FARP1: variants seen among roughly 807,000 people sequenced by gnomAD.
FARP1 encodes the protein FERM, ARH/RhoGEF and pleckstrin domain protein 1.
FARP1 carries 52 observed loss-of-function variants against 128.8 expected under a neutral mutation model. The ratio of observed to expected loss-of-function variants is 0.40; its 90% confidence interval spans 0.32 to 0.51. The LOEUF (loss-of-function observed/expected upper bound fraction) is 0.51, where lower values mean the gene tolerates loss of function less well. Among genes scored for constraint, FARP1 ranks in the 20% least tolerant of loss-of-function variants. FARP1 has a pLI of 0.45. For missense variants in FARP1, 1,333 were observed against 1,367.9 expected, an observed-to-expected ratio of 0.97 and a Z score of 0.40; for synonymous variants, 580 against 551.8, an observed-to-expected ratio of 1.05 and a Z score of -0.72.
chr13:98,200,546 C>T (rs929333556), intron 1 of FARP1, among the ~76,000 whole-genome samples: 3 of 152,102 alleles, frequency 2.0e-5, no homozygotes, highest in East Asian at 1.9e-4. Context: ...CTTTTAGGTA[C>T]GGAGAATGAC....
At chr13:98,220,799 T>G (rs1267498344) in intron 2 of FARP1, among the ~76,000 whole-genome samples, 2 of 152,098 alleles carry the variant, frequency 1.3e-5, no homozygotes, top group East Asian at 3.9e-4. Context: ...GTGATCAAAG[T>G]CAGTTCTCTA....
chr13:98,440,042 AG>A lies in FARP1; in HGVS notation c.2516+1del, dbSNP rs760157374. The A allele has an allele frequency of 6.2e-7, 1 of 1,607,568 alleles. No individual in the cohort carries two copies. Among genetic ancestry groups the A allele is most frequent in the Admixed American group, 1.7e-5 (1 of 59,880 alleles). ...GCGGCAGTCCATCATCGTGGCCGCC[AG>A]GTAACTCGGGAGCCCGCCCCTTGCC... ...GQRQSIIVAA[S>X]SRSEMEKWVE... On this transcript the variant is annotated frameshift_variant and splice_region_variant, in exon 22 of 27. Coordinates refer to ENST00000319562, the MANE Select transcript of FARP1 (RefSeq NM_005766.4). LOFTEE classifies it high-confidence loss of function.
chr13:98,343,968 GCTGT>G, intron 3 of FARP1, 102 bp downstream of exon 3: 1 of 799,982 alleles, frequency 1.3e-6, no homozygotes, highest in East Asian at 2.5e-5. Context: ...ATATTTTCAT[GCTGT>G]CTGTTTTGTC....
chr13:98,268,026 T>C (rs1409077609), intron 2 of FARP1, among the ~76,000 whole-genome samples: 1 of 152,228 alleles, frequency 6.6e-6, no homozygotes, highest in Non-Finnish European at 1.5e-5. Context: ...CAGCATTACA[T>C]ACAGGCACAT....
rs768979308 is a variant in FARP1, at chr13:98,176,326, G to A, written c.-24+32834G>A. On this transcript the variant is annotated intron_variant, in intron 1 of 26. Transcript: ENST00000319562. The surrounding 1 kb of genome is among the most constrained non-coding windows in gnomAD (Gnocchi z 6.2). ...TTGCAGTTTCGCCATCAGTTCTTTGGCGGGGTTAAAGATGCCGCCGGTTGG... is the reference window on the plus strand; with the variant it reads ...TTGCAGTTTCGCCATCAGTTCTTTGACGGGGTTAAAGATGCCGCCGGTTGG... 1.9e-6 allele frequency: 3 copies of A among 1,613,472 alleles called. No homozygotes were observed. Among genetic ancestry groups the A allele is most frequent in the East Asian group, 2.2e-5 (1 of 44,878 alleles).
Position 98,379,120 on chromosome 13 carries a change from ATAAT to A in FARP1, c.496+1203_496+1206del, listed in dbSNP as rs1368965454. 1.6e-4 allele frequency among the ~76,000 whole-genome samples: 14 copies of A among 87,146 alleles called. 4 individuals carry two copies. Among genetic ancestry groups the A allele is most frequent in the African/African-American group, 1.1e-3 (14 of 12,500 alleles). 57.2% of individuals were successfully genotyped at this position (87,146 alleles called of 152,430 possible). ...TATATATATAATATATAATCTATATATAATATATATATAATATATAATCTATATA... is the reference window on the plus strand; with the variant it reads ...TATATATATAATATATAATCTATATAATATATATAATATATAATCTATATA... On this transcript the variant is annotated intron_variant, in intron 6 of 26. Coordinates refer to ENST00000319562, the MANE Select transcript of FARP1 (RefSeq NM_005766.4).
At chr13:98,399,177 G>A (rs1195463954) in intron 13 of FARP1, 2 of 149,284 alleles carry the variant, frequency 1.3e-5, no homozygotes, top group Non-Finnish European at 3.0e-5. Flanking sequence ...TTTGTTTAAA[G>A]GCTGTTTATC....
At chr13:98,210,077 G>A (rs527632589) in intron 1 of FARP1, among the ~76,000 whole-genome samples, 2 of 151,942 alleles carry the variant, frequency 1.3e-5, no homozygotes, top group East Asian at 3.9e-4. Flanking sequence ...GTATAGAATG[G>A]TAGAATGGCT....
At chr13:98,314,364 C>T (rs1481982897) in intron 2 of FARP1, among the ~76,000 whole-genome samples, 2 of 148,410 alleles carry the variant, frequency 1.3e-5, no homozygotes, top group African/African-American at 5.0e-5. Context: ...ACTGCAACCT[C>T]CGTCTCCCGG....
In FARP1 at chr13:98,452,544, C is replaced by G. The variant is rs560155440; in HGVS notation, c.*4227C>G. On this transcript the variant is annotated 3_prime_UTR_variant, in exon 27 of 27. Coordinates refer to ENST00000319562, the MANE Select transcript of FARP1 (RefSeq NM_005766.4). ...CATTAATTATTAATGACAAACCCTG[C>G]AAATACAAAATAAAACCCAAATCAC... The G allele has an allele frequency of 5.0e-4, 76 of 152,656 alleles. No homozygotes were observed. The highest frequency in any genetic ancestry group is 1.8e-3 in the Admixed American group (27 of 15,282). 9.5% of individuals were successfully genotyped at this position (152,656 alleles called of 1,614,324 possible).
chr13:98,295,410 A>G (rs1439870377), intron 2 of FARP1, among the ~76,000 whole-genome samples: 2 of 152,160 alleles, frequency 1.3e-5, no homozygotes, highest in Non-Finnish European at 2.9e-5. Flanking sequence ...CAGGTTTGCT[A>G]TTCTTGCTCC....
chr13:98,435,297 C>A, intron 18 of FARP1: 1 of 247,852 alleles, frequency 4.0e-6, no homozygotes. Context: ...GTGTCTTTCC[C>A]CTCTAAGCCA....
intron 1 of FARP1, chr13:98,175,972 G>C (rs1239159123): frequency 1.8e-5 from 11 of 607,234 alleles, no homozygotes; most frequent in Non-Finnish European, 3.3e-5. Flanking sequence ...ATGGACACTT[G>C]GGTTGTTTAC....
rs200861944 is a variant in FARP1, at chr13:98,343,797, T to C, written c.207T>C (p.Val69=). ...RAPGKVLLDA[V]CNHLNLVEGD... ...CTGGGAAGGTGCTGCTGGATGCAGT[T>C]TGCAACCACCTCAACCTCGTGGAAG... is the stretch of plus-strand genomic sequence containing the variant. Residue 69 remains valine, a synonymous_variant, in exon 3 of 27, where the codon GTT becomes GTC. Transcript: ENST00000319562. The C allele has an allele frequency of 6.2e-7, 1 of 1,614,052 alleles. No homozygotes were observed. The highest frequency in any genetic ancestry group is 1.3e-5 in the African/African-American group (1 of 74,940).
intron 1 of FARP1, among the ~76,000 whole-genome samples, chr13:98,179,427 T>G (rs990522010): frequency 1.3e-4 from 20 of 152,186 alleles, no homozygotes; most frequent in African/African-American, 4.8e-4. Flanking sequence ...TCAGTGTCCA[T>G]AGGTCTTTTC....
chr13:98,249,106 A>G (rs1378131341), intron 2 of FARP1, among the ~76,000 whole-genome samples: 1 of 152,096 alleles, frequency 6.6e-6, no homozygotes, highest in Admixed American at 6.5e-5. Flanking sequence ...CTAATCTTGT[A>G]TTTCTCCTAG....
At chr13:98,232,273 C>A (rs1395104040) in intron 2 of FARP1, among the ~76,000 whole-genome samples, 1 of 148,228 alleles carries the variant, frequency 6.7e-6, no homozygotes, top group Non-Finnish European at 1.5e-5. Flanking sequence ...ATTTTATTTA[C>A]TTTTGTTTTG....
chr13:98,374,149 C>T (rs1410555569), intron 5 of FARP1, among the ~76,000 whole-genome samples: 1 of 152,198 alleles, frequency 6.6e-6, no homozygotes, highest in Non-Finnish European at 1.5e-5. Context: ...GTTGGCTAGG[C>T]ACAGTGGCTC....
intron 16 of FARP1, among the ~76,000 whole-genome samples, chr13:98,412,363 G>C (rs1891225827): frequency 6.6e-6 from 1 of 152,172 alleles, no homozygotes; most frequent in Non-Finnish European, 1.5e-5. Context: ...GGCTTTGAGG[G>C]GTGCTGGTAA....
Sources: gnomAD v4.1 joint callset for allele counts (sites outside exome capture counted in the v4.1 genomes callset) on GRCh38, gnomAD v4.1.1 for gene constraint, Gnocchi (gnomAD v3.1) non-coding constraint, MANE v1.5 for transcripts, NCBI Gene and HGNC (gene_info 2026-07-23, HGNC 2026-07-21) for gene names.